ARHGAP32: variants seen among roughly 807,000 people sequenced by gnomAD.
ARHGAP32 encodes the protein rho GTPase-activating protein 32.
Under a neutral mutation model 186.5 loss-of-function variants are expected in ARHGAP32, and 51 were observed. The observed-to-expected ratio is 0.27, with a 90% CI of 0.22 to 0.35. The LOEUF is 0.35. ARHGAP32 is among the 10% of genes least tolerant of loss of function. The pLI is 1.00. For missense variants in ARHGAP32, 2,186 were observed against 2,623.5 expected (o/e 0.83, Z 3.64); for synonymous variants, 950 against 964.3 (o/e 0.99, Z 0.27).
At chr11:129,169,704 T>C (rs1477999722) in intron 1 of ARHGAP32, among the ~76,000 whole-genome samples, 1 of 151,510 alleles carries the variant, frequency 6.6e-6, no homozygotes, top group Non-Finnish European at 1.5e-5. Flanking sequence ...GTTGAGAATT[T>C]AGTTGAAATG....
intron 2 of ARHGAP32, among the ~76,000 whole-genome samples, chr11:129,152,686 T>C (rs749833468): frequency 2.6e-5 from 4 of 152,058 alleles, no homozygotes; most frequent in African/African-American, 9.7e-5. Context: ...AAATCCAGTA[T>C]CCCTTTATGA....
intron 11 of ARHGAP32, among the ~76,000 whole-genome samples, chr11:129,014,278 ACC>A (rs1773685584): frequency 6.6e-6 from 1 of 152,198 alleles, no homozygotes; most frequent in African/African-American, 2.4e-5. Context: ...TCTTTATGAT[ACC>A]AATAACCAGT....
intron 10 of ARHGAP32, among the ~76,000 whole-genome samples, chr11:129,047,647 T>C (rs552843137): frequency 6.6e-6 from 1 of 152,206 alleles, no homozygotes; most frequent in South Asian, 2.1e-4. Flanking sequence ...ACTAAGGAGA[T>C]TTGAACCAAT....
At chr11:128,984,826 CA>C (rs1457797436) in intron 15 of ARHGAP32, among the ~76,000 whole-genome samples, 1 of 152,022 alleles carries the variant, frequency 6.6e-6, no homozygotes, top group Non-Finnish European at 1.5e-5. Flanking sequence ...AACATATATG[CA>C]GTGTATATTA....
At chr11:129,213,089 C>G (rs1565470343) in intron 1 of ARHGAP32, among the ~76,000 whole-genome samples, 3 of 152,052 alleles carry the variant, frequency 2.0e-5, no homozygotes, top group Admixed American at 6.6e-5. Context: ...TATTATATTT[C>G]AAATAAAATA....
At chr11:129,117,232 C>A (rs972706238) in intron 5 of ARHGAP32, among the ~76,000 whole-genome samples, 1 of 151,922 alleles carries the variant, frequency 6.6e-6, no homozygotes, top group Admixed American at 6.6e-5. Flanking sequence ...GTCCACAAAA[C>A]GGTTTAAGAA....
chr11:129,020,064 C>G (rs1938530754), intron 11 of ARHGAP32, among the ~76,000 whole-genome samples: 1 of 151,980 alleles, frequency 6.6e-6, no homozygotes, highest in South Asian at 2.1e-4. Flanking sequence ...TCATAAAGTA[C>G]TCTGAGAATG....
In ARHGAP32 at chr11:128,972,901, C is replaced by T; in HGVS notation, c.3605G>A (p.Gly1202Glu). 6.2e-7 allele frequency: 1 copy of T among 1,613,890 alleles called. No individual in the cohort carries two copies. The highest frequency in any genetic ancestry group is 8.5e-7 in the Non-Finnish European group (1 of 1,180,008). ...DHVSFPEDQS[G>E]KNSMPTVSFL... ...GGAGACAGTTGGCATACTGTTCTTC[C>T]CAGACTGGTCTTCAGGGAAACTTAC... is the stretch of plus-strand genomic sequence containing the variant. The change falls in exon 22 of 23, where the codon GGG becomes GAG. Residue 1202 changes from glycine to glutamate, a missense_variant. Coordinates refer to ENST00000682385, the MANE Select transcript of ARHGAP32 (RefSeq NM_001378024.1).
At chr11:129,176,880 G>A (rs1283503738) in intron 1 of ARHGAP32, among the ~76,000 whole-genome samples, 2 of 152,102 alleles carry the variant, frequency 1.3e-5, no homozygotes, top group African/African-American at 2.4e-5. Context: ...AAAAGAACTG[G>A]AAAAGCAAGA....
chr11:129,063,714 A>G (rs1940591186), intron 9 of ARHGAP32, among the ~76,000 whole-genome samples, 188 bp downstream of exon 9: 1 of 152,164 alleles, frequency 6.6e-6, no homozygotes, highest in African/African-American at 2.4e-5. Context: ...ACTTAACCTC[A>G]GTTTTCAAGG....
intron 2 of ARHGAP32, among the ~76,000 whole-genome samples, chr11:129,142,650 C>T (rs1325014224): frequency 6.6e-6 from 1 of 151,464 alleles, no homozygotes; most frequent in Non-Finnish European, 1.5e-5. Flanking sequence ...TCATAAAGGA[C>T]ATCAAAATGC....
chr11:129,062,161 CG>C (rs1469854922), intron 10 of ARHGAP32, 118 bp downstream of exon 10: 2 of 762,746 alleles, frequency 2.6e-6, no homozygotes, highest in African/African-American at 3.5e-5. Context: ...CATTTTCTAT[CG>C]TTGCAGACAA....
rs1038875205 is a variant in ARHGAP32, at chr11:129,047,618, G to GA, written c.964-6610dup. On this transcript the variant is annotated intron_variant, in intron 10 of 22. Transcript: ENST00000682385. ...ACTTGCATGTCTGTGTACTGCTGGAGAAAAAAAAAAATCACATCACTAAGG... is the reference window on the plus strand; with the variant it reads ...ACTTGCATGTCTGTGTACTGCTGGAGAAAAAAAAAAAATCACATCACTAAGG... Among the ~76,000 whole-genome samples, 235 of 143,532 alleles carry GA rather than the reference G, an allele frequency of 1.6e-3. 2 individuals carry two copies. The highest frequency in any genetic ancestry group is 4.6e-3 in the African/African-American group (181 of 39,242). 94.2% of individuals were successfully genotyped at this position (143,532 alleles called of 152,430 possible).
intron 1 of ARHGAP32, 88 bp downstream of exon 1, chr11:129,191,995 A>G (rs1944279777): frequency 9.9e-7 from 1 of 1,012,198 alleles, no homozygotes; most frequent in East Asian, 2.4e-5. Flanking sequence ...GTCTTATTGG[A>G]AAAAAGACCG....
At position 129,231,425 on chromosome 11, in the gene ARHGAP32, T is replaced by A. The variant is rs533957165; in HGVS notation, c.-5+47721A>T. Reference sequence around the variant, plus strand: ...TCTTCAACATTCTCAAATGTAAGTATGATGTGTGACCGGCAAACAAATTAT... The same window carrying A: ...TCTTCAACATTCTCAAATGTAAGTAAGATGTGTGACCGGCAAACAAATTAT... On this transcript the variant is annotated intron_variant, in intron 1 of 6. Coordinates refer to the ARHGAP32 transcript ENST00000525234. Among the ~76,000 whole-genome samples the A allele has an allele frequency of 2.0e-5, 3 of 152,268 alleles. No individual in the cohort carries two copies. The South Asian group carries it at 6.2e-4, about 32-fold the overall frequency.
chr11:129,072,617 C>T (rs958778802), intron 6 of ARHGAP32, among the ~76,000 whole-genome samples: 13 of 152,268 alleles, frequency 8.5e-5, no homozygotes, highest in Admixed American at 4.6e-4. Flanking sequence ...GAAATCCACA[C>T]GCAGAAACCT....
chr11:128,973,260 C>T lies in ARHGAP32; in HGVS notation c.3246G>A (p.Gly1082=). 6.2e-7 allele frequency: 1 copy of T among 1,614,120 alleles called. No individual in the cohort carries two copies. The highest frequency in any genetic ancestry group is 8.5e-7 in the Non-Finnish European group (1 of 1,180,014). The change falls in exon 22 of 23, where the codon GGG becomes GGA. Residue 1082 remains glycine, a synonymous_variant. Transcript: ENST00000682385. The part of the protein sequence containing the change: ...SLKRPGTSQA[G]YTNYGDIAVA... ...CCGCTATGTCTCCATAATTTGTATA[C>T]CCAGCCTGAGAGGTCCCTGGTCTCT...
chr11:129,200,733 T>C (rs1725822447), intron 1 of ARHGAP32, among the ~76,000 whole-genome samples: 1 of 152,198 alleles, frequency 6.6e-6, no homozygotes, highest in South Asian at 2.1e-4. Context: ...GATGTTAATG[T>C]ATAAAATAGA....
At chr11:129,191,606 G>A (rs1211922736) in intron 1 of ARHGAP32, among the ~76,000 whole-genome samples, 1 of 151,458 alleles carries the variant, frequency 6.6e-6, no homozygotes, top group East Asian at 1.9e-4. Flanking sequence ...TAACCAATCT[G>A]TACTTAATCG....
Sources: allele counts gnomAD v4.1 joint callset (sites outside exome capture counted in the v4.1 genomes callset), GRCh38; gene constraint gnomAD v4.1.1; transcripts MANE v1.5; gene names NCBI Gene and HGNC (gene_info 2026-07-23, HGNC 2026-07-21).